Variants in SLC30A9 observed in about 807,000 individuals in gnomAD.
SLC30A9 encodes solute carrier family 30 member 9.
In SLC30A9, 58 loss-of-function variants were observed where a neutral mutation model predicts 87.5. The ratio of observed to expected loss-of-function variants is 0.66; its 90% CI spans 0.54 to 0.82. The LOEUF (loss-of-function observed/expected upper bound fraction) is 0.82. SLC30A9 is among the 40% of genes least tolerant of loss of function. The pLI is 0.00. For missense variants in SLC30A9, 557 were observed against 679.1 expected (o/e 0.82, Z 2.00); for synonymous variants, 234 against 233.0 (o/e 1.00, Z -0.04).
chr4:42,016,195 A>G (rs1334140794), intron 2 of SLC30A9, among the ~76,000 whole-genome samples: 3 of 152,224 alleles, frequency 2.0e-5, no homozygotes, highest in Non-Finnish European at 2.9e-5. Context: ...TACATGGCAC[A>G]TGTTAAATGC....
Position 42,086,596 on chromosome 4 carries a change from C to T in SLC30A9, c.*470C>T, listed in dbSNP as rs913481655. 2.0e-5 allele frequency: 3 copies of T among 152,716 alleles called. No individual in the cohort carries two copies. The highest frequency in any genetic ancestry group is 7.2e-5 in the African/African-American group (3 of 41,446). 9.5% of individuals were successfully genotyped at this position (152,716 alleles called of 1,614,324 possible). On this transcript the variant is annotated 3_prime_UTR_variant, in exon 18 of 18. Transcript: ENST00000264451. ...GTATGTGGTTTTTAAACAGTCACTC[C>T]GTTTCAAAGTCTGTCTTTCCTTATA...
At chr4:42,003,151 G>A (rs780019397) in intron 2 of SLC30A9, among the ~76,000 whole-genome samples, 2 of 151,784 alleles carry the variant, frequency 1.3e-5, no homozygotes, top group Non-Finnish European at 2.9e-5. Flanking sequence ...TGGAATTTTT[G>A]TTTATCTTTT....
chr4:42,013,696 A>G (rs1358904250), intron 2 of SLC30A9, among the ~76,000 whole-genome samples: 2 of 152,224 alleles, frequency 1.3e-5, no homozygotes, highest in Non-Finnish European at 2.9e-5. Context: ...ATCCATATGC[A>G]GAAGCATGAA....
In SLC30A9 at chr4:42,003,240, C is replaced by G. The variant is rs192476766; in HGVS notation, c.274+1460C>G. Among the ~76,000 whole-genome samples, 527 of 152,148 alleles carry G rather than the reference C, an allele frequency of 3.5e-3. 4 individuals are homozygous for G. The highest frequency in any genetic ancestry group is 0.024 in the Middle Eastern group (7 of 294). On this transcript the variant is annotated intron_variant, in intron 2 of 17. Transcript: ENST00000264451. The stretch of plus-strand genomic sequence containing the variant: ...TGTTGAGTGTAACATTTTAGTTTAG[C>G]AATTGGTCAGTTTTTCTAAATGGTT...
At chr4:41,996,668 G>A (rs1714725234) in intron 1 of SLC30A9, among the ~76,000 whole-genome samples, 1 of 152,106 alleles carries the variant, frequency 6.6e-6, no homozygotes, top group Non-Finnish European at 1.5e-5. Flanking sequence ...ACCTGAGGCT[G>A]GGGAGGTTGA....
intron 8 of SLC30A9, among the ~76,000 whole-genome samples, chr4:42,040,859 G>A (rs12510574): frequency 0.18 from 27,688 of 149,914 alleles, 3,436 homozygotes; most frequent in African/African-American, 0.35. Flanking sequence ...AGATTGAGGA[G>A]GAGTAAGGAG....
chr4:41,997,089 G>C (rs1033851286), intron 1 of SLC30A9, among the ~76,000 whole-genome samples: 1 of 142,334 alleles, frequency 7.0e-6, no homozygotes, highest in Non-Finnish European at 1.6e-5. Context: ...ATAGAATTAA[G>C]CAAGGCAGTA....
intron 9 of SLC30A9, among the ~76,000 whole-genome samples, chr4:42,056,441 G>A (rs933294292): frequency 2.0e-5 from 3 of 152,114 alleles, no homozygotes; most frequent in African/African-American, 7.2e-5. Flanking sequence ...GAGGGCTTGT[G>A]CAGGGAAACT....
At chr4:42,013,559 G>C (rs1261069803) in intron 2 of SLC30A9, among the ~76,000 whole-genome samples, 1 of 152,084 alleles carries the variant, frequency 6.6e-6, no homozygotes, top group Non-Finnish European at 1.5e-5. Flanking sequence ...TAAACCAATG[G>C]AACAGAATAC....
intron 14 of SLC30A9, among the ~76,000 whole-genome samples, chr4:42,068,879 A>G (rs1718194487): frequency 6.6e-6 from 1 of 152,240 alleles, no homozygotes; most frequent in Non-Finnish European, 1.5e-5. Flanking sequence ...GACTCAATTT[A>G]TGAAGTTGGA....
chr4:42,067,705 T>C (rs1006177991), intron 14 of SLC30A9, among the ~76,000 whole-genome samples: 1 of 152,244 alleles, frequency 6.6e-6, no homozygotes, highest in Non-Finnish European at 1.5e-5. Context: ...ATTCTCCTTT[T>C]ATCTACATAG....
chr4:42,030,368 T>C (rs1716373985), intron 6 of SLC30A9, among the ~76,000 whole-genome samples: 1 of 152,202 alleles, frequency 6.6e-6, no homozygotes, highest in South Asian at 2.1e-4. Context: ...GATGTGCTCA[T>C]TTTTACTGTA....
At chr4:42,073,995 A>G (rs1255817940) in intron 15 of SLC30A9, among the ~76,000 whole-genome samples, 2 of 152,148 alleles carry the variant, frequency 1.3e-5, no homozygotes, top group African/African-American at 4.8e-5. Context: ...ATTAGTTGCT[A>G]CTCACATACC....
At chr4:42,035,774 G>GCGTGAGCAAC (rs112000800) in intron 7 of SLC30A9, among the ~76,000 whole-genome samples, 2 of 151,384 alleles carry the variant, frequency 1.3e-5, no homozygotes, top group East Asian at 3.9e-4. Flanking sequence ...GGGATTACAA[G>GCGTGAGCAAC]CGTGCCCGGC....
At chr4:42,030,599 TGGGC>T (rs1716391003) in intron 6 of SLC30A9, among the ~76,000 whole-genome samples, 7 of 148,434 alleles carry the variant, frequency 4.7e-5, no homozygotes, top group African/African-American at 5.0e-5. Flanking sequence ...TTTTTTTTTT[TGGGC>T]TCTTTCAAAG....
intron 1 of SLC30A9, among the ~76,000 whole-genome samples, chr4:41,997,159 C>A (rs200843666): frequency 8.8e-5 from 13 of 147,364 alleles, no homozygotes; most frequent in Non-Finnish European, 1.3e-4. Flanking sequence ...TTTCCTAACT[C>A]AAAAAAAAAA....
At chr4:42,055,487 C>T (rs561586868) in intron 9 of SLC30A9, among the ~76,000 whole-genome samples, 2 of 152,218 alleles carry the variant, frequency 1.3e-5, no homozygotes, top group South Asian at 2.1e-4. Flanking sequence ...CCCAGGTTCA[C>T]GCCATTCTCC....
intron 15 of SLC30A9, among the ~76,000 whole-genome samples, chr4:42,073,073 C>T (rs1718379693): frequency 6.6e-6 from 1 of 151,000 alleles, no homozygotes; most frequent in East Asian, 1.9e-4. Flanking sequence ...CATCACTGGC[C>T]ATGTTGGCCA....
rs147110188 is a variant in SLC30A9, at chr4:42,042,343, A to C, written c.737+3290A>C. On this transcript the variant is annotated intron_variant, in intron 8 of 17. Transcript: ENST00000264451. ...TCTGGCTGCCAGCACAGCTGTCTGA[A>C]GTTGACATGGGATGCTTGAGTTTGG... 2.4e-4 allele frequency among the ~76,000 whole-genome samples: 37 copies of C among 152,256 alleles called. No individual in the cohort carries two copies. In the East Asian group the frequency reaches 6.2e-3, roughly 25 times the overall value.
Sources: allele counts gnomAD v4.1 joint callset (sites outside exome capture counted in the v4.1 genomes callset), GRCh38; gene constraint gnomAD v4.1.1; transcripts MANE v1.5; gene names NCBI Gene and HGNC (gene_info 2026-07-23, HGNC 2026-07-21).